The following MALRD1 variants were observed in gnomAD, a reference collection of about 807,000 sequenced individuals.
MALRD1 encodes the protein MAM and LDL-receptor class A domain-containing protein 1.
A neutral mutation model predicts 242.1 loss-of-function variants in MALRD1; 247 were observed. The observed-to-expected ratio is 1.02, with a 90% CI of 0.92 to 1.13. The LOEUF (loss-of-function observed/expected upper bound fraction) is 1.13, where lower values mean the gene tolerates loss of function less well. Ranked by LOEUF, MALRD1 falls within the 50% of genes most tolerant of loss-of-function variation. The probability of loss-of-function intolerance (pLI) is 0.00; values close to 1 mark genes in which losing one functional copy is unlikely to be tolerated. For missense variants in MALRD1, 2,989 were observed against 2,533.1 expected (o/e 1.18, Z -3.86); for synonymous variants, 995 against 866.6 (o/e 1.15, Z -2.60).
At chr10:19,522,384 A>G (rs1833920789) in intron 31 of MALRD1, among the ~76,000 whole-genome samples, 3 of 152,126 alleles carry the variant, frequency 2.0e-5, no homozygotes, top group Non-Finnish European at 2.9e-5. Flanking sequence ...GAGGTTTTTA[A>G]TGTTTACCTG....
chr10:19,206,360 G>A (rs1023857335), intron 17 of MALRD1, among the ~76,000 whole-genome samples: 1 of 152,090 alleles, frequency 6.6e-6, no homozygotes, highest in Non-Finnish European at 1.5e-5. Context: ...CAATATTTGA[G>A]TGGGTATAAT....
At chr10:19,432,124 A>G (rs554857666) in intron 28 of MALRD1, among the ~76,000 whole-genome samples, 2 of 152,290 alleles carry the variant, frequency 1.3e-5, no homozygotes, top group Admixed American at 1.3e-4. Context: ...CCTTTTCTAT[A>G]CAGAGAGTAT....
intron 32 of MALRD1, among the ~76,000 whole-genome samples, chr10:19,562,408 A>G (rs901823987): frequency 6.6e-6 from 1 of 152,206 alleles, no homozygotes; most frequent in South Asian, 2.1e-4. Flanking sequence ...AAAACTCATG[A>G]AACTCTGGGT....
At chr10:19,331,679 T>A (rs1588922774) in intron 24 of MALRD1, 97 bp downstream of exon 24, 2 of 931,104 alleles carry the variant, frequency 2.1e-6, no homozygotes, top group East Asian at 5.3e-5. Context: ...AGTGTGTGTA[T>A]CTCAACACCA....
chr10:19,685,802 C>T (rs1231637873), intron 36 of MALRD1, among the ~76,000 whole-genome samples: 1 of 152,188 alleles, frequency 6.6e-6, no homozygotes, highest in East Asian at 1.9e-4. Flanking sequence ...CACAATTATC[C>T]ATTGAAATGT....
rs566690963 is a variant in MALRD1, at chr10:19,347,925, T to C, written c.4056T>C (p.His1352=). ...ACACTTTGGGAAATTCATCTGGTCA[T>C]TACATCTTTATAAAGAGTTTGTTTC... ...ADHTLGNSSG[H]YIFIKSLFPQ... The change falls in exon 25 of 40, where the codon CAT becomes CAC. Residue 1352 remains histidine (H), a synonymous_variant. Transcript: ENST00000454679. The C allele has an allele frequency of 4.1e-5, 64 of 1,550,322 alleles. 1 individual carries two copies. The South Asian group carries it at 7.3e-4, about 18-fold the overall frequency.
chr10:19,669,556 G>C (rs989124172), intron 36 of MALRD1, among the ~76,000 whole-genome samples: 1 of 152,204 alleles, frequency 6.6e-6, no homozygotes, highest in African/African-American at 2.4e-5. Context: ...AAAGGAAAAG[G>C]GTACTCATAG....
intron 18 of MALRD1, among the ~76,000 whole-genome samples, chr10:19,211,616 G>A (rs996277864): frequency 7.4e-6 from 1 of 134,444 alleles, no homozygotes; most frequent in African/African-American, 2.9e-5. Context: ...GAACCCAGGA[G>A]GCTGAAGTTG....
intron 10 of MALRD1, among the ~76,000 whole-genome samples, chr10:19,138,490 G>A (rs1251377319): frequency 2.0e-5 from 3 of 148,072 alleles, no homozygotes; most frequent in Admixed American, 6.8e-5. Context: ...GCATGATCTC[G>A]GCTCACTACA....
intron 24 of MALRD1, among the ~76,000 whole-genome samples, chr10:19,340,279 C>T (rs1454150609): frequency 2.0e-5 from 3 of 152,066 alleles, no homozygotes; most frequent in Non-Finnish European, 4.4e-5. Flanking sequence ...AATCTATTTA[C>T]ACTCTTTTAG....
At chr10:19,588,173 A>T (rs1015627295) in intron 33 of MALRD1, among the ~76,000 whole-genome samples, 1 of 152,074 alleles carries the variant, frequency 6.6e-6, no homozygotes, top group Non-Finnish European at 1.5e-5. Flanking sequence ...GACCTTTCCA[A>T]TTTCTATATT....
chr10:19,222,876 A>G (rs1837622290), intron 18 of MALRD1, among the ~76,000 whole-genome samples: 1 of 152,228 alleles, frequency 6.6e-6, no homozygotes, highest in South Asian at 2.1e-4. Flanking sequence ...TTCACTAAGA[A>G]AAAGGTGTGG....
chr10:19,701,355 G>A (rs370560431), intron 38 of MALRD1, among the ~76,000 whole-genome samples: 50 of 151,942 alleles, frequency 3.3e-4, no homozygotes, highest in African/African-American at 8.0e-4. Context: ...GATGCGGCCC[G>A]GATAGTTCTG....
chr10:19,312,356 A>G lies in MALRD1; in HGVS notation c.3420-11593A>G, dbSNP rs567821373. Among the ~76,000 whole-genome samples the G allele has an allele frequency of 7.4e-5, 11 of 148,376 alleles. No homozygotes were observed. The East Asian group carries it at 2.2e-3, about 30-fold the overall frequency. On this transcript the variant is annotated intron_variant, in intron 21 of 39. Transcript: ENST00000454679. ...TGCTCTATTAATTAACCTCTGGTTC[A>G]GTACAGGGCACAGAGGAATGTGTAT...
At chr10:19,180,783 C>G (rs1005870866) in intron 14 of MALRD1, among the ~76,000 whole-genome samples, 20 of 152,094 alleles carry the variant, frequency 1.3e-4, no homozygotes, top group Non-Finnish European at 2.9e-4. Context: ...AAAATAGCAA[C>G]CTGCATATCG....
intron 34 of MALRD1, among the ~76,000 whole-genome samples, chr10:19,606,775 C>G (rs1021196065): frequency 1.1e-4 from 17 of 152,024 alleles, no homozygotes; most frequent in African/African-American, 3.6e-4. Flanking sequence ...CTGAAGCAAG[C>G]AGGATAACAG....
chr10:19,052,680 G>A (rs1316977266), intron 1 of MALRD1, among the ~76,000 whole-genome samples: 3 of 151,700 alleles, frequency 2.0e-5, no homozygotes, highest in Admixed American at 6.6e-5. Flanking sequence ...GACTGCAGCT[G>A]GGTGTGTGGG....
intron 36 of MALRD1, among the ~76,000 whole-genome samples, chr10:19,690,505 G>A (rs16919291): frequency 0.027 from 4,031 of 152,108 alleles, 140 homozygotes; most frequent in African/African-American, 0.079. Flanking sequence ...CTCTAAATGG[G>A]TGACGAGGTT....
intron 28 of MALRD1, among the ~76,000 whole-genome samples, chr10:19,445,624 T>C (rs1284819892): frequency 6.6e-6 from 1 of 152,218 alleles, no homozygotes; most frequent in Non-Finnish European, 1.5e-5. Flanking sequence ...ACAGCAAATA[T>C]TGCAGAATGG....
Sources: allele counts gnomAD v4.1 joint callset (sites outside exome capture counted in the v4.1 genomes callset), GRCh38; gene constraint gnomAD v4.1.1; transcripts MANE v1.5; gene names NCBI Gene and HGNC (gene_info 2026-07-23, HGNC 2026-07-21).